SWT1: variants seen among roughly 807,000 people sequenced by gnomAD.
SWT1 encodes the protein SWT1 RNA endoribonuclease homolog.
A neutral mutation model predicts 107.3 loss-of-function variants in SWT1; 33 were observed. The ratio of observed to expected loss-of-function variants is 0.31; its 90% confidence interval spans 0.23 to 0.41. The LOEUF is 0.41. SWT1 is among the 10% of genes least tolerant of loss of function. The pLI, the probability that SWT1 is intolerant of heterozygous loss-of-function variation, is 1.00. For missense variants in SWT1, 898 were observed against 1,028.9 expected (o/e 0.87, Z 1.74); for synonymous variants, 345 against 348.3 (o/e 0.99, Z 0.11).
chr1:185,171,424 C>T (rs1655049239), intron 4 of SWT1: 1 of 243,312 alleles, frequency 4.1e-6, no homozygotes, highest in African/African-American at 2.3e-5. Context: ...TTACGCACGT[C>T]CAATCACGTA....
chr1:185,182,415 T>G (rs1024366956), intron 7 of SWT1, among the ~76,000 whole-genome samples: 2 of 152,030 alleles, frequency 1.3e-5, no homozygotes, highest in Non-Finnish European at 2.9e-5. Flanking sequence ...TGCCTGTAAT[T>G]CCAGCATTTT....
At chr1:185,288,641 G>A (rs1426043880) in intron 18 of SWT1, among the ~76,000 whole-genome samples, 1 of 152,090 alleles carries the variant, frequency 6.6e-6, no homozygotes, top group East Asian at 1.9e-4. Context: ...AGGAAGTAAT[G>A]ACAGTGTAAC....
chr1:185,256,852 G>T (rs1332686757), intron 16 of SWT1, among the ~76,000 whole-genome samples: 2 of 152,172 alleles, frequency 1.3e-5, no homozygotes, highest in Non-Finnish European at 2.9e-5. Flanking sequence ...AAGAGGAGAG[G>T]TGCTCTGCTT....
In SWT1 at chr1:185,184,833, A is replaced by C. The variant is rs1178311892; in HGVS notation, c.1331A>C (p.His444Pro). The change falls in exon 9 of 19, where the codon CAC (histidine) becomes CCC (proline). Residue 444 changes from histidine to proline, a missense_variant. By Grantham distance (77) the His-to-Pro change is moderately conservative. Transcript: ENST00000367500. ...GGAAAACTACTAAAACGTGCCCAGC[A>C]CAAAGCTATACCTGCAGTTCATTTC... ...KEGKLLKRAQ[H>P]KAIPAVHFIN... 1 of 1,594,318 alleles carries C rather than the reference A, an allele frequency of 6.3e-7. No individual in the cohort carries two copies. The highest frequency in any genetic ancestry group is 8.5e-7 in the Non-Finnish European group (1 of 1,173,016).
intron 16 of SWT1, among the ~76,000 whole-genome samples, chr1:185,257,539 A>T (rs1017637038): frequency 3.9e-5 from 6 of 151,974 alleles, no homozygotes; most frequent in African/African-American, 1.5e-4. Context: ...GAGTGACCCG[A>T]TTTTCCAGGC....
At chr1:185,227,164 G>C in intron 15 of SWT1, 1 of 1,053,150 alleles carries the variant, frequency 9.5e-7, no homozygotes, top group Non-Finnish European at 1.5e-6. Flanking sequence ...CCAGAGAATT[G>C]TTTGGTACTA....
At chr1:185,175,869 C>T (rs1257839500) in intron 5 of SWT1, among the ~76,000 whole-genome samples, 1 of 152,104 alleles carries the variant, frequency 6.6e-6, no homozygotes, top group African/African-American at 2.4e-5. Flanking sequence ...GGGACTTATT[C>T]AAGTGAAGAG....
intron 16 of SWT1, chr1:185,251,399 A>C (rs1306294325): frequency 6.6e-6 from 1 of 152,536 alleles, no homozygotes; most frequent in African/African-American, 2.4e-5. Flanking sequence ...CCACTGCTTC[A>C]CTTTAGCCTA....
chr1:185,247,039 G>C (rs551553485), intron 16 of SWT1, among the ~76,000 whole-genome samples: 2 of 152,108 alleles, frequency 1.3e-5, no homozygotes, highest in Non-Finnish European at 2.9e-5. Context: ...TGTTGATTGC[G>C]TGTGATTGCC....
At chr1:185,175,166 T>C in intron 5 of SWT1, 53 bp downstream of exon 5, 1 of 1,280,274 alleles carries the variant, frequency 7.8e-7, no homozygotes, top group Non-Finnish European at 1.0e-6. Context: ...TTTATTAATA[T>C]AGTTAAGTTT....
At chr1:185,259,127 G>A (rs1662838927) in intron 16 of SWT1, among the ~76,000 whole-genome samples, 1 of 151,952 alleles carries the variant, frequency 6.6e-6, no homozygotes, top group African/African-American at 2.4e-5. Flanking sequence ...TAAAATAAAA[G>A]GTGAAAGTTT....
intron 5 of SWT1, chr1:185,176,898 G>A (rs1655610112): frequency 2.2e-6 from 1 of 452,424 alleles, no homozygotes; most frequent in Non-Finnish European, 2.9e-6. Context: ...GCAGGAGAAT[G>A]GCGTGAACCT....
chr1:185,286,912 A>G (rs1170585448), intron 18 of SWT1, among the ~76,000 whole-genome samples: 2 of 152,198 alleles, frequency 1.3e-5, no homozygotes, highest in African/African-American at 4.8e-5. Context: ...CGTGTTCTTG[A>G]TCTGAGGAGG....
At chr1:185,190,368 G>A (rs1656851064) in intron 9 of SWT1, among the ~76,000 whole-genome samples, 181 bp from the exon 10 acceptor site, 2 of 152,100 alleles carry the variant, frequency 1.3e-5, no homozygotes, top group Admixed American at 6.6e-5. Flanking sequence ...TTCACTCTTG[G>A]TGTTGTACAC....
At chr1:185,288,544 A>C (rs760994573) in intron 18 of SWT1, among the ~76,000 whole-genome samples, 14 of 152,092 alleles carry the variant, frequency 9.2e-5, no homozygotes, top group Non-Finnish European at 1.8e-4. Flanking sequence ...CTCCATCAAG[A>C]GATCTGTCAT....
At chr1:185,168,032 T>C (rs1375512214) in intron 3 of SWT1, among the ~76,000 whole-genome samples, 1 of 152,210 alleles carries the variant, frequency 6.6e-6, no homozygotes, top group Non-Finnish European at 1.5e-5. Flanking sequence ...ATGTCTCTCT[T>C]ACCTTTCTTG....
chr1:185,157,293 C>G lies in SWT1; in HGVS notation c.-31C>G, dbSNP rs1271836550. 2 of 152,786 alleles carry G rather than the reference C, an allele frequency of 1.3e-5. No individual in the cohort carries two copies. Among genetic ancestry groups the G allele is most frequent in the South Asian group, 2.0e-4 (1 of 5,114 alleles). 9.5% of individuals were successfully genotyped at this position (152,786 alleles called of 1,614,324 possible). On this transcript the variant is annotated 5_prime_UTR_variant, in exon 1 of 19. Transcript: ENST00000367500. Reference sequence around the variant, plus strand: ...CTTTGGCTTGGGGCTCCGGAGTTGCCACTGCCGCCGGCGCTGGTAAGGTAG... The same window carrying G: ...CTTTGGCTTGGGGCTCCGGAGTTGCGACTGCCGCCGGCGCTGGTAAGGTAG...
chr1:185,276,677 T>C lies in SWT1; in HGVS notation c.2573+9T>C. ...TCTCAGACTGAGTATAGGTAAGTCA[T>C]ATCTATATATAGATATAAACCATTG... On this transcript the variant is annotated intron_variant, in intron 18 of 18. Coordinates refer to ENST00000367500, the MANE Select transcript of SWT1 (RefSeq NM_017673.7). The C allele has an allele frequency of 6.8e-7, 1 of 1,474,638 alleles. No individual in the cohort carries two copies. The highest frequency in any genetic ancestry group is 9.4e-7 in the Non-Finnish European group (1 of 1,063,574). 91.3% of individuals were successfully genotyped at this position (1,474,638 alleles called of 1,614,324 possible). A position where few individuals can be genotyped will look rare whatever the true frequency, so the allele number is the denominator to read the frequency against.
chr1:185,276,321 T>C (rs1477336131), intron 17 of SWT1, among the ~76,000 whole-genome samples: 1 of 152,160 alleles, frequency 6.6e-6, no homozygotes, highest in Non-Finnish European at 1.5e-5. Flanking sequence ...CAGTTTATAA[T>C]CTTATTTGTG....
Sources: allele counts gnomAD v4.1 joint callset (sites outside exome capture counted in the v4.1 genomes callset), GRCh38; gene constraint gnomAD v4.1.1; transcripts MANE v1.5; gene names NCBI Gene and HGNC (gene_info 2026-07-23, HGNC 2026-07-21).